EMC10: variants seen among roughly 807,000 people sequenced by gnomAD.
The protein encoded by EMC10 is UPF0510 protein INM02.
Under a neutral mutation model 32.2 loss-of-function variants are expected in EMC10, and 40 were observed. The observed-to-expected ratio is 1.24, with a 90% CI of 0.96 to 1.61. The LOEUF (loss-of-function observed/expected upper bound fraction) is 1.61. Among genes scored for constraint, EMC10 ranks in the 40% most tolerant of loss-of-function variants. EMC10 has a pLI of 0.00. For missense variants in EMC10, 402 were observed against 357.7 expected, an observed-to-expected ratio of 1.12 and a Z score of -1.00; for synonymous variants, 178 against 158.4, an observed-to-expected ratio of 1.12 and a Z score of -0.93.
At chr19:50,476,951 G>C in intron 1 of EMC10, 1 of 331,772 alleles carries the variant, frequency 3.0e-6, no homozygotes, top group Non-Finnish European at 5.5e-6. Context: ...ACGTCCGGGC[G>C]GTTGAAATGA....
rs898639417 is a variant in EMC10 at position 50,487,425 on chromosome 19, C to G, written c.*5166C>G. On this transcript the variant is annotated 3_prime_UTR_variant, in exon 7 of 7. Transcript: ENST00000334976. ...TATCTTTAGGCAAGTTGCTTCCTGTCTCTGAGCGTCGTCTTTGTTTCCGCC... is the reference window on the plus strand; with the variant it reads ...TATCTTTAGGCAAGTTGCTTCCTGTGTCTGAGCGTCGTCTTTGTTTCCGCC... 4 of 152,498 alleles carry G rather than the reference C, an allele frequency of 2.6e-5. No homozygotes were observed. Among genetic ancestry groups the G allele is most frequent in the African/African-American group, 9.6e-5 (4 of 41,468 alleles). 9.4% of individuals were successfully genotyped at this position (152,498 alleles called of 1,614,324 possible).
In EMC10 at chr19:50,485,179, G is replaced by A. The variant is rs2040376399; in HGVS notation, c.*2920G>A. The A allele has an allele frequency of 6.6e-6, 1 of 152,206 alleles. No homozygotes were observed. The allele number at this position is 152,206 out of a possible 1,614,324, so 9.4% of individuals were successfully genotyped here. On this transcript the variant is annotated 3_prime_UTR_variant, in exon 7 of 7. Coordinates refer to ENST00000334976, the MANE Select transcript of EMC10 (RefSeq NM_206538.4). ...CATTTTGCACACATATGTGTCTGTG[G>A]AAGACATGGCCCGGTGGGGCCCCAC...
chr19:50,482,072 G>A, intron 6 of EMC10, 77 bp from the exon 7 acceptor site: 1 of 1,412,302 alleles, frequency 7.1e-7, no homozygotes, highest in Non-Finnish European at 1.0e-6. Flanking sequence ...ACCGTGGGTG[G>A]GTGATGCCCA....
Position 50,484,372 on chromosome 19 carries a change from C to A in EMC10, c.*2113C>A, listed in dbSNP as rs529470056. ...GTGTTCCCAACTTGGAGTCCTGGTC[C>A]CTGTGTCTGATCTGCAGATGTCTTC... On this transcript the variant is annotated 3_prime_UTR_variant, in exon 7 of 7. Transcript: ENST00000334976. 1.3e-5 allele frequency: 2 copies of A among 152,230 alleles called. No individual in the cohort carries two copies. Among genetic ancestry groups the A allele is most frequent in the East Asian group, 3.9e-4 (2 of 5,178 alleles). The allele number at this position is 152,230 out of a possible 1,614,324, so 9.4% of individuals were successfully genotyped here.
Position 50,488,711 on chromosome 19 carries a change from GAA to G in EMC10, c.*6453_*6454del, listed in dbSNP as rs144850296. ...AGGAGGAGACCATGAGACAGAAAGA[GAA>G]GAGGGTGAAGAGAGAGGATAGTGGC... On this transcript the variant is annotated 3_prime_UTR_variant, in exon 7 of 7. Transcript: ENST00000334976. The G allele has an allele frequency of 0.021, 3,261 of 151,866 alleles. 124 individuals carry two copies. The highest frequency in any genetic ancestry group is 0.075 in the African/African-American group (3,100 of 41,140). 9.4% of individuals were successfully genotyped at this position (151,866 alleles called of 1,614,324 possible).
Position 50,480,659 on chromosome 19 carries a change from G to T in EMC10, c.481G>T (p.Val161Leu). 2.5e-6 allele frequency: 4 copies of T among 1,596,276 alleles called. No homozygotes were observed. The highest frequency in any genetic ancestry group is 3.4e-6 in the Non-Finnish European group (4 of 1,172,172). Residue 161 changes from valine to leucine, a missense_variant, in exon 5 of 7, where the codon GTG (valine) becomes TTG (leucine). Coordinates refer to ENST00000334976, the MANE Select transcript of EMC10 (RefSeq NM_206538.4). This position sits in a 1 kb window ranked among gnomAD's most constrained non-coding sequence, Gnocchi z 4.4. Reference protein sequence around the residue: ...DVAGNVVGVSVVTHPGGCRGH... With the variant: ...DVAGNVVGVSLVTHPGGCRGH... ...GGCCGGCAACGTGGTGGGCGTGTCG[G>T]TGGTGACGCACCCCGGGGGCTGCCG...
intron 6 of EMC10, chr19:50,481,201 G>C (rs368696557): frequency 7.7e-6 from 4 of 516,946 alleles, no homozygotes; most frequent in Non-Finnish European, 1.4e-5. Flanking sequence ...AGGGTCCTGG[G>C]GGAGGTCTCG....
Position 50,482,399 on chromosome 19 carries a change from C to T in EMC10, c.*140C>T. The T allele has an allele frequency of 3.3e-6, 2 of 602,476 alleles. No homozygotes were observed. The highest frequency in any genetic ancestry group is 5.9e-6 in the Non-Finnish European group (2 of 337,696). The allele number at this position is 602,476 out of a possible 1,614,324, so 37.3% of individuals were successfully genotyped here. A position where few individuals can be genotyped will look rare whatever the true frequency, so the allele number is the denominator to read the frequency against. On this transcript the variant is annotated 3_prime_UTR_variant, in exon 7 of 7. Coordinates refer to ENST00000334976, the MANE Select transcript of EMC10 (RefSeq NM_206538.4). ...GTCCCACGAGGCCACCTGGGCCAGC[C>T]CCTTGTCCTCTGCCTTCTGCTGGCA...
At position 50,477,779 on chromosome 19, in the gene EMC10, T is replaced by C. The variant is rs1263649777; in HGVS notation, c.115-150T>C. 7.1e-6 allele frequency: 4 copies of C among 562,664 alleles called. No homozygotes were observed. In the Admixed American group the frequency reaches 1.2e-4, roughly 17 times the overall value. 34.9% of individuals were successfully genotyped at this position (562,664 alleles called of 1,614,324 possible). A position where few individuals can be genotyped will look rare whatever the true frequency, so the allele number is the denominator to read the frequency against. On this transcript the variant is annotated intron_variant, in intron 1 of 6. Transcript: ENST00000334976. ...TATGAATATTCATGAAATGGGTGGT[T>C]TCTAGTGAAATAAAGGCAAGCAGCA...
In EMC10 at chr19:50,482,213, A is replaced by AGGGTGGGGGTGG. The variant is rs745832642; in HGVS notation, c.756_767dup (p.Gly256_Gly259dup). 10 of 131,686 alleles carry AGGGTGGGGGTGG rather than the reference A, an allele frequency of 7.6e-5. No homozygotes were observed. Among genetic ancestry groups the AGGGTGGGGGTGG allele is most frequent in the African/African-American group, 4.8e-4 (2 of 4,204 alleles). 8.2% of individuals were successfully genotyped at this position (131,686 alleles called of 1,614,324 possible). A position where few individuals can be genotyped will look rare whatever the true frequency, so the allele number is the denominator to read the frequency against. ...TCAGGAGCGCCAGACACCGGGGGCC[A>AGGGTGGGGGTGG]GGGTGGGGGTGGGGGTGGGGGTGGT... On this transcript the variant is annotated inframe_insertion, in exon 7 of 7. Transcript: ENST00000334976.
intron 2 of EMC10, 48 bp downstream of exon 2, chr19:50,478,049 A>G (rs1285906566): frequency 6.7e-7 from 1 of 1,497,288 alleles, no homozygotes; most frequent in African/African-American, 1.4e-5. Context: ...TGGTGCCCTG[A>G]GAAGTCAAGA....
At position 50,483,077 on chromosome 19, in the gene EMC10, C is replaced by A; in HGVS notation, c.*818C>A. 1.9e-6 allele frequency: 1 copy of A among 514,726 alleles called. No individual in the cohort carries two copies. The highest frequency in any genetic ancestry group is 1.9e-5 in the African/African-American group (1 of 52,386). 31.9% of individuals were successfully genotyped at this position (514,726 alleles called of 1,614,324 possible). ...TGCGGTGCTACGAGGGCCTGCGGGCCTTTGCTGTGTGCCACCCTCCCTGTA... is the reference window on the plus strand; with the variant it reads ...TGCGGTGCTACGAGGGCCTGCGGGCATTTGCTGTGTGCCACCCTCCCTGTA... On this transcript the variant is annotated 3_prime_UTR_variant, in exon 7 of 7. Transcript: ENST00000334976.
In EMC10 at chr19:50,477,994, T is replaced by A; in HGVS notation, c.180T>A (p.Phe60Leu). 1 of 1,602,888 alleles carries A rather than the reference T, an allele frequency of 6.2e-7. No individual in the cohort carries two copies. The highest frequency in any genetic ancestry group is 8.5e-7 in the Non-Finnish European group (1 of 1,176,064). ...TGGGGCTGCTGCTGGAGCACTCATT[T>A]GAGATCGGTGAGTCAGGCAACGTCC... ...GTVGLLLEHS[F>L]EIDDSANFRK... The change falls in exon 2 of 7, where the codon TTT becomes TTA. Residue 60 changes from phenylalanine to leucine, a missense_variant. Coordinates refer to ENST00000334976, the MANE Select transcript of EMC10 (RefSeq NM_206538.4).
In EMC10 at chr19:50,480,255, C is replaced by G. The variant is rs376768262; in HGVS notation, c.402+40C>G. On this transcript the variant is annotated intron_variant, in intron 4 of 6. Coordinates refer to ENST00000334976, the MANE Select transcript of EMC10 (RefSeq NM_206538.4). This position sits in a 1 kb window ranked among gnomAD's most constrained non-coding sequence, Gnocchi z 4.4. Reference sequence around the variant, plus strand: ...GGGATGAGCCCCCTTCTCCCTCGTCCTCCTCATCCCCTACCCTGGTCCTGC... The same window carrying G: ...GGGATGAGCCCCCTTCTCCCTCGTCGTCCTCATCCCCTACCCTGGTCCTGC... 16 of 1,555,774 alleles carry G rather than the reference C, an allele frequency of 1.0e-5. No individual in the cohort carries two copies. The highest frequency in any genetic ancestry group is 6.9e-5 in the South Asian group (6 of 87,180).
intron 2 of EMC10, 38 bp from the exon 3 acceptor site, chr19:50,478,919 C>T (rs776399392): frequency 2.5e-5 from 32 of 1,255,032 alleles, no homozygotes; most frequent in South Asian, 6.3e-5. Context: ...GAAGGGTGGG[C>T]GGGGGAGGGG....
Position 50,479,080 on chromosome 19 carries a change from C to T in EMC10, c.297+14C>T, listed in dbSNP as rs747713112. 1.6e-5 allele frequency: 26 copies of T among 1,585,776 alleles called. No individual in the cohort carries two copies. The highest frequency in any genetic ancestry group is 2.3e-4 in the Middle Eastern group (1 of 4,418). On this transcript the variant is annotated intron_variant, in intron 3 of 6. Transcript: ENST00000334976. ...GGCCGACTCCGGGTGAGGTGGGGCC[C>T]TCAGGGCTGGGTGTGGATGGGGATG...
Position 50,480,742 on chromosome 19 carries a change from G to A in EMC10, c.564G>A (p.Gln188=), listed in dbSNP as rs750963039. 1.3e-6 allele frequency: 2 copies of A among 1,597,440 alleles called. No individual in the cohort carries two copies. The highest frequency in any genetic ancestry group is 4.5e-5 in the East Asian group (2 of 44,530). The change falls in exon 5 of 7, where the codon CAG becomes CAA. Residue 188 remains glutamine, a synonymous_variant. Coordinates refer to ENST00000334976, the MANE Select transcript of EMC10 (RefSeq NM_206538.4). The surrounding 1 kb of genome is among the most constrained non-coding windows in gnomAD (Gnocchi z 4.4). ...TGTTCAACACCTCGGTGCAGCTGCA[G>A]CCGCCCACCACAGCCCCAGGGTGAG... ...LELFNTSVQL[Q]PPTTAPGPET...
In EMC10 at chr19:50,482,272, G is replaced by T. The variant is rs376695531; in HGVS notation, c.*13G>T. ...TAGTGGCCGGTGAGGGCCCAGGCTGGTCAGCGTCCCGTCTTGCACACCCAG... is the reference window on the plus strand; with the variant it reads ...TAGTGGCCGGTGAGGGCCCAGGCTGTTCAGCGTCCCGTCTTGCACACCCAG... On this transcript the variant is annotated 3_prime_UTR_variant, in exon 7 of 7. Coordinates refer to ENST00000334976, the MANE Select transcript of EMC10 (RefSeq NM_206538.4). The T allele has an allele frequency of 1.5e-5, 17 of 1,102,866 alleles. No homozygotes were observed. Among genetic ancestry groups the T allele is most frequent in the South Asian group, 2.9e-5 (2 of 68,846 alleles). The allele number at this position is 1,102,866 out of a possible 1,614,324, so 68.3% of individuals were successfully genotyped here.
At position 50,486,511 on chromosome 19, in the gene EMC10, A is replaced by G. The variant is rs890866788; in HGVS notation, c.*4252A>G. ...TCTGTAGGCTTCTTTAACCCATCAGAGAGACTCCCTGGTAAGGATTAGGGG... is the reference window on the plus strand; with the variant it reads ...TCTGTAGGCTTCTTTAACCCATCAGGGAGACTCCCTGGTAAGGATTAGGGG... On this transcript the variant is annotated 3_prime_UTR_variant, in exon 7 of 7. Transcript: ENST00000334976. The G allele has an allele frequency of 1.3e-5, 2 of 152,230 alleles. No individual in the cohort carries two copies. 9.4% of individuals were successfully genotyped at this position (152,230 alleles called of 1,614,324 possible). A position where few individuals can be genotyped will look rare whatever the true frequency, so the allele number is the denominator to read the frequency against.
Sources: allele counts gnomAD v4.1 joint callset, GRCh38; gene constraint gnomAD v4.1.1; non-coding constraint Gnocchi (gnomAD v3.1); transcripts MANE v1.5; gene names NCBI Gene and HGNC (gene_info 2026-07-23, HGNC 2026-07-21).